ALG8: variants seen among roughly 807,000 people sequenced by gnomAD.
ALG8 encodes ALG8 alpha-1,3-glucosyltransferase.
Under a neutral mutation model 70.2 loss-of-function variants are expected in ALG8, and 48 were observed. That is an observed-to-expected ratio of 0.68 (90% CI 0.54 to 0.87). The LOEUF is 0.87. Ranked by LOEUF, ALG8 falls within the 40% of genes least tolerant of loss-of-function variation. ALG8 has a pLI of 0.00. For missense variants in ALG8, 572 were observed against 608.7 expected, an observed-to-expected ratio of 0.94 and a Z score of 0.64; for synonymous variants, 234 against 229.0, an observed-to-expected ratio of 1.02 and a Z score of -0.20.
chr11:78,127,644 G>A (rs1447987837), intron 1 of ALG8, among the ~76,000 whole-genome samples: 4 of 151,790 alleles, frequency 2.6e-5, no homozygotes, highest in Admixed American at 1.3e-4. Context: ...CAATCTACAA[G>A]TCAGTGAAAA....
chr11:78,118,452 AT>A (rs553805151), intron 5 of ALG8, among the ~76,000 whole-genome samples: 278 of 151,206 alleles, frequency 1.8e-3, no homozygotes, highest in Admixed American at 3.4e-3. Context: ...CCCATCTCTA[AT>A]AAAAATACAA....
chr11:78,109,193 T>C (rs1052521803), intron 9 of ALG8, among the ~76,000 whole-genome samples: 16 of 152,182 alleles, frequency 1.1e-4, no homozygotes, highest in Non-Finnish European at 1.3e-4. Context: ...TCTTTTTCCC[T>C]TCCCCCGGGT....
Position 78,138,304 on chromosome 11 carries a change from G to A in ALG8, c.95+1190C>T, listed in dbSNP as rs183059608. Among the ~76,000 whole-genome samples, 923 of 150,338 alleles carry A rather than the reference G, an allele frequency of 6.1e-3. 4 individuals carry two copies. Among genetic ancestry groups the A allele is most frequent in the Admixed American group, 0.011 (163 of 15,092 alleles). Reference sequence around the variant, plus strand: ...GCAGAGGTTGCAGTAAGCTGAGATCGTGCCACTGTACTCCAGCCTGGGTGA... The same window carrying A: ...GCAGAGGTTGCAGTAAGCTGAGATCATGCCACTGTACTCCAGCCTGGGTGA... On this transcript the variant is annotated intron_variant, in intron 1 of 12. Transcript: ENST00000299626.
intron 4 of ALG8, among the ~76,000 whole-genome samples, chr11:78,120,550 G>C (rs1273303185): frequency 6.6e-6 from 1 of 152,124 alleles, no homozygotes; most frequent in East Asian, 1.9e-4. Context: ...CAGAGGCTGG[G>C]TGCTTTCCTC....
intron 1 of ALG8, 152 bp downstream of exon 1, chr11:78,139,342 A>AGTTTT (rs1213832119): frequency 3.2e-5 from 25 of 787,162 alleles, no homozygotes; most frequent in Non-Finnish European, 4.9e-5. Context: ...TCAAGTAACA[A>AGTTTT]CTGGCGAAAC....
chr11:78,102,674 C>T (rs1034811860), intron 12 of ALG8, among the ~76,000 whole-genome samples: 1 of 152,096 alleles, frequency 6.6e-6, no homozygotes, highest in African/African-American at 2.4e-5. Flanking sequence ...TACAGTTGGC[C>T]GGGCATGGTG....
chr11:78,114,519 G>T, intron 5 of ALG8, 127 bp from the exon 6 acceptor site: 2 of 1,110,848 alleles, frequency 1.8e-6, no homozygotes, highest in Non-Finnish European at 2.6e-6. Flanking sequence ...AAATTCAAAT[G>T]CATCAATATT....
intron 9 of ALG8, among the ~76,000 whole-genome samples, chr11:78,107,303 C>T (rs999281351): frequency 1.3e-4 from 19 of 148,896 alleles, no homozygotes; most frequent in African/African-American, 4.6e-4. Flanking sequence ...TCACTGCAAC[C>T]TCCACCTCCT....
intron 2 of ALG8, among the ~76,000 whole-genome samples, chr11:78,125,764 G>A (rs1384045969): frequency 1.3e-5 from 2 of 152,174 alleles, no homozygotes; most frequent in South Asian, 2.1e-4. Flanking sequence ...AGCCGAGATC[G>A]TGCCATTGCA....
At chr11:78,108,004 G>T (rs1223366731) in intron 9 of ALG8, among the ~76,000 whole-genome samples, 1 of 151,992 alleles carries the variant, frequency 6.6e-6, no homozygotes, top group Non-Finnish European at 1.5e-5. Context: ...AAAAGGCCGG[G>T]TGTGGTGGCT....
chr11:78,123,084 G>A (rs657419), intron 3 of ALG8, among the ~76,000 whole-genome samples: 32,919 of 151,656 alleles, frequency 0.22, 4,371 homozygotes, highest in African/African-American at 0.38. Flanking sequence ...GAGGCGGGTG[G>A]ATCACGAGGT....
At chr11:78,127,258 T>C in intron 2 of ALG8, 100 bp downstream of exon 2, 4 of 1,116,848 alleles carry the variant, frequency 3.6e-6, no homozygotes, top group Non-Finnish European at 5.2e-6. Context: ...ATTACAAGCG[T>C]GAGCCACCGC....
At position 78,124,775 on chromosome 11, in the gene ALG8, T is replaced by C. The variant is rs1022976886; in HGVS notation, c.175-561A>G. Among the ~76,000 whole-genome samples the C allele has an allele frequency of 3.3e-5, 5 of 152,212 alleles. No homozygotes were observed. In the East Asian group the frequency reaches 7.7e-4, roughly 23 times the overall value. ...TGAAGATTAAATGAGATAATACATA[T>C]GAAATATATTTATAAACAACAAAAT... On this transcript the variant is annotated intron_variant, in intron 2 of 12. Coordinates refer to ENST00000299626, the MANE Select transcript of ALG8 (RefSeq NM_024079.5).
intron 9 of ALG8, among the ~76,000 whole-genome samples, chr11:78,107,214 T>TATAA: frequency 6.8e-6 from 1 of 147,586 alleles, no homozygotes; most frequent in South Asian, 2.1e-4. Context: ...TATATATATA[T>TATAA]ATATATATAA....
intron 8 of ALG8, among the ~76,000 whole-genome samples, chr11:78,110,653 A>G (rs1228994766): frequency 6.6e-6 from 1 of 152,218 alleles, no homozygotes; most frequent in Admixed American, 6.5e-5. Context: ...AAATAAATCA[A>G]TTCAGAGAAT....
Position 78,139,514 on chromosome 11 carries a change from T to A in ALG8, c.75A>T (p.Lys25Asn), listed in dbSNP as rs773006344. 6.4e-7 allele frequency: 1 copy of A among 1,561,532 alleles called. No individual in the cohort carries two copies. Among genetic ancestry groups the A allele is most frequent in the East Asian group, 2.4e-5 (1 of 41,870 alleles). Residue 25 changes from lysine to asparagine, a missense_variant, in exon 1 of 13, where the codon AAA becomes AAT. Lys to Asn is a moderately conservative substitution (Grantham distance 94, BLOSUM62 0). Coordinates refer to ENST00000299626, the MANE Select transcript of ALG8 (RefSeq NM_024079.5). ...CTTACTATGTGGGGATGAGAAGGCA[T>A]TTGAGAAGAGTCACCCCGAGCGCCA... Reference protein sequence around the residue: ...SALALGVTLLKCLLIPTYHST... With the variant: ...SALALGVTLLNCLLIPTYHST...
chr11:78,132,808 G>A (rs1250465270), intron 1 of ALG8, among the ~76,000 whole-genome samples: 3 of 149,038 alleles, frequency 2.0e-5, no homozygotes, highest in Non-Finnish European at 4.4e-5. Context: ...TTGGTCGCCT[G>A]ATAGGATCCT....
rs1860460511 is a variant in ALG8, at chr11:78,114,344, T to C, written c.595A>G (p.Lys199Glu). The change falls in exon 6 of 13, where the codon AAG (lysine) becomes GAG (glutamate). Residue 199 changes from lysine to glutamate, a missense_variant. By Grantham distance (56) the Lys-to-Glu change is moderately conservative (BLOSUM62 1). Transcript: ENST00000299626. ...GGTGCTACATAGAGGTAGATATGCT[T>C]GAAATGTAGGAGAACAGCAAAGAGA... Reference protein sequence around the residue: ...AFLFAVLLHFKHIYLYVAPAY... With the variant: ...AFLFAVLLHFEHIYLYVAPAY... The C allele has an allele frequency of 1.2e-6, 2 of 1,613,964 alleles. No homozygotes were observed. The highest frequency in any genetic ancestry group is 1.7e-6 in the Non-Finnish European group (2 of 1,179,990).
Position 78,121,078 on chromosome 11 carries a change from T to G in ALG8, c.465A>C (p.Leu155Phe). 6.2e-7 allele frequency: 1 copy of G among 1,613,414 alleles called. No homozygotes were observed. The highest frequency in any genetic ancestry group is 8.5e-7 in the Non-Finnish European group (1 of 1,179,512). ...TATCAAGGATACGGTCCACAATTAA[T>G]AACCCGAAGTTCCACAGAAGTAATA... ...LSVLLLWNFGLLIVDHIHFQY... is the reference protein window; with the variant it reads ...LSVLLLWNFGFLIVDHIHFQY... The change falls in exon 4 of 13, where the codon TTA becomes TTC. Residue 155 changes from leucine to phenylalanine, a missense_variant. Physicochemically the swap from Leu to Phe is conservative, Grantham distance 22. Transcript: ENST00000299626.
Sources: allele counts gnomAD v4.1 joint callset (sites outside exome capture counted in the v4.1 genomes callset), GRCh38; gene constraint gnomAD v4.1.1; transcripts MANE v1.5; gene names NCBI Gene and HGNC (gene_info 2026-07-23, HGNC 2026-07-21).